Variants in SPTLC3 observed in about 807,000 individuals in gnomAD.
The protein encoded by SPTLC3 is serine palmitoyltransferase 3.
In SPTLC3, 36 loss-of-function variants were observed where a neutral mutation model predicts 59.3. The ratio of observed to expected loss-of-function variants is 0.61; its 90% CI spans 0.47 to 0.80. The LOEUF (loss-of-function observed/expected upper bound fraction) is 0.80, where lower values mean the gene tolerates loss of function less well. Among genes scored for constraint, SPTLC3 ranks in the 30% least tolerant of loss-of-function variants. SPTLC3 has a pLI of 0.00. For missense variants in SPTLC3, 625 were observed against 685.1 expected (o/e 0.91, Z 0.98); for synonymous variants, 257 against 240.8 (o/e 1.07, Z -0.62).
chr20:13,085,930 T>G (rs1988991736), intron 4 of SPTLC3, among the ~76,000 whole-genome samples: 1 of 152,134 alleles, frequency 6.6e-6, no homozygotes, highest in Non-Finnish European at 1.5e-5. Flanking sequence ...ACTGAATAAA[T>G]GGACCACCAG....
intron 1 of SPTLC3, among the ~76,000 whole-genome samples, chr20:13,015,559 A>G (rs945856646): frequency 6.6e-6 from 1 of 152,232 alleles, no homozygotes; most frequent in Non-Finnish European, 1.5e-5. Flanking sequence ...TGAAAAATGC[A>G]TTAATTCTGC....
At chr20:13,111,196 T>C (rs1487793835) in intron 7 of SPTLC3, among the ~76,000 whole-genome samples, 6 of 152,206 alleles carry the variant, frequency 3.9e-5, no homozygotes, top group Non-Finnish European at 1.5e-5. Context: ...TTCCCAGTCC[T>C]ACTGTGGGAA....
At chr20:13,092,068 C>T (rs1325398029) in intron 5 of SPTLC3, among the ~76,000 whole-genome samples, 1 of 152,058 alleles carries the variant, frequency 6.6e-6, no homozygotes, top group Non-Finnish European at 1.5e-5. Context: ...AAAGAGCTGC[C>T]CAAAACCCTT....
intron 9 of SPTLC3, among the ~76,000 whole-genome samples, chr20:13,145,712 A>T (rs1463492205): frequency 1.3e-5 from 2 of 152,218 alleles, no homozygotes; most frequent in Non-Finnish European, 2.9e-5. Flanking sequence ...ACAAAGCTGG[A>T]GGCATCATGT....
chr20:13,086,092 T>C (rs1988996341), intron 4 of SPTLC3, among the ~76,000 whole-genome samples: 1 of 152,182 alleles, frequency 6.6e-6, no homozygotes, highest in Non-Finnish European at 1.5e-5. Flanking sequence ...TCAGATAGCA[T>C]TATAACTACG....
At chr20:13,153,906 C>T (rs1369391352) in intron 9 of SPTLC3, 97 bp from the exon 10 acceptor site, 2 of 1,495,832 alleles carry the variant, frequency 1.3e-6, no homozygotes, top group African/African-American at 2.8e-5. Context: ...GTGCTGCTGG[C>T]CTGCAGAAAG....
At chr20:13,093,729 G>T in intron 6 of SPTLC3, 152 bp downstream of exon 6, 1 of 643,846 alleles carries the variant, frequency 1.6e-6, no homozygotes, top group South Asian at 2.3e-5. Flanking sequence ...GTTAACCTCT[G>T]GTGACCTGGA....
intron 9 of SPTLC3, among the ~76,000 whole-genome samples, chr20:13,134,359 C>T (rs1246159759): frequency 6.6e-6 from 1 of 152,172 alleles, no homozygotes; most frequent in Admixed American, 6.5e-5. Context: ...TAATTCTTGT[C>T]TGCAGGCATG....
At chr20:13,095,652 T>C (rs1349031960) in intron 6 of SPTLC3, among the ~76,000 whole-genome samples, 1 of 152,094 alleles carries the variant, frequency 6.6e-6, no homozygotes, top group Non-Finnish European at 1.5e-5. Flanking sequence ...ACACCTGCAT[T>C]TTTTTCTGAG....
intron 6 of SPTLC3, among the ~76,000 whole-genome samples, chr20:13,105,216 T>C (rs1412379777): frequency 6.6e-6 from 1 of 152,108 alleles, no homozygotes; most frequent in Non-Finnish European, 1.5e-5. Context: ...TCCCTTTTCC[T>C]GTGTAGCTTC....
chr20:13,039,119 T>C (rs1326613469), intron 1 of SPTLC3, among the ~76,000 whole-genome samples: 8 of 152,076 alleles, frequency 5.3e-5, no homozygotes, highest in Non-Finnish European at 7.4e-5. Context: ...ACGTGTTCCA[T>C]AGATATCTCT....
chr20:13,118,561 C>T (rs1258412018), intron 8 of SPTLC3, among the ~76,000 whole-genome samples: 1 of 151,910 alleles, frequency 6.6e-6, no homozygotes, highest in Non-Finnish European at 1.5e-5. Context: ...ATAAAGGAGC[C>T]AGTTATCTGA....
intron 4 of SPTLC3, among the ~76,000 whole-genome samples, chr20:13,075,867 G>A: frequency 6.6e-6 from 1 of 152,322 alleles, no homozygotes; most frequent in African/African-American, 2.4e-5. Context: ...TGCCTACACA[G>A]GCAGTAGAGG....
At position 13,068,594 on chromosome 20, in the gene SPTLC3, C is replaced by T. The variant is rs1988319579; in HGVS notation, c.304-3662C>T. On this transcript the variant is annotated intron_variant, in intron 2 of 11. Coordinates refer to ENST00000399002, the MANE Select transcript of SPTLC3 (RefSeq NM_018327.4). ...ACAGGTGGGGAGAAGAGGGCCACGC[C>T]CAAAAGCAAGTCAGTTCATTCACCG... 2.0e-5 allele frequency among the ~76,000 whole-genome samples: 3 copies of T among 152,012 alleles called. No individual in the cohort carries two copies. The South Asian group carries it at 6.2e-4, about 32-fold the overall frequency.
At chr20:13,056,887 G>A (rs953116647) in intron 2 of SPTLC3, among the ~76,000 whole-genome samples, 2 of 151,762 alleles carry the variant, frequency 1.3e-5, no homozygotes, top group Non-Finnish European at 2.9e-5. Context: ...GACTACAGGC[G>A]TGCAACACCA....
intron 10 of SPTLC3, among the ~76,000 whole-genome samples, 190 bp from the exon 11 acceptor site, chr20:13,159,809 GTGAC>G (rs1354632478): frequency 6.6e-6 from 1 of 152,128 alleles, no homozygotes; most frequent in South Asian, 2.1e-4. Context: ...GTGGCACCAA[GTGAC>G]TGACTGCCTG....
chr20:13,051,025 A>C (rs1449470882), intron 2 of SPTLC3: 1 of 152,218 alleles, frequency 6.6e-6, no homozygotes, highest in East Asian at 1.9e-4. Context: ...AAGCAAAAAC[A>C]AAAAAGAAAA....
intron 6 of SPTLC3, 125 bp downstream of exon 6, chr20:13,093,702 A>C (rs991262738): frequency 2.6e-6 from 2 of 783,406 alleles, no homozygotes; most frequent in Non-Finnish European, 4.0e-6. Flanking sequence ...AATTATGTTT[A>C]TATTCACTCC....
At chr20:13,067,324 T>G (rs1288535035) in intron 2 of SPTLC3, among the ~76,000 whole-genome samples, 1 of 152,108 alleles carries the variant, frequency 6.6e-6, no homozygotes, top group Admixed American at 6.5e-5. Flanking sequence ...GGATCTACCC[T>G]CACCTTGAAT....
Sources: allele counts gnomAD v4.1 joint callset (sites outside exome capture counted in the v4.1 genomes callset), GRCh38; gene constraint gnomAD v4.1.1; transcripts MANE v1.5; gene names NCBI Gene and HGNC (gene_info 2026-07-23, HGNC 2026-07-21).